The following APPL1 variants were observed in gnomAD, a reference collection of about 807,000 sequenced individuals.
APPL1 encodes the protein DCC-interacting protein 13-alpha.
APPL1 carries 42 observed loss-of-function variants against 106.8 expected under a neutral mutation model. That is an observed-to-expected ratio of 0.39 (90% CI 0.31 to 0.51). The LOEUF is 0.51. APPL1 is among the 20% of genes least tolerant of loss of function. The pLI is 0.75. For missense variants in APPL1, 769 were observed against 858.2 expected (o/e 0.90, Z 1.30); for synonymous variants, 263 against 281.8 (o/e 0.93, Z 0.67).
intron 13 of APPL1, among the ~76,000 whole-genome samples, chr3:57,254,716 C>T (rs754433734): frequency 3.3e-5 from 5 of 152,214 alleles, no homozygotes; most frequent in East Asian, 1.9e-4. Flanking sequence ...CCTCTGCCTC[C>T]CGGGTTCAAG....
chr3:57,227,866 C>A lies in APPL1; in HGVS notation c.-18C>A. 6.9e-7 allele frequency: 1 copy of A among 1,458,360 alleles called. No individual in the cohort carries two copies. Among genetic ancestry groups the A allele is most frequent in the Non-Finnish European group, 9.1e-7 (1 of 1,102,796 alleles). 90.3% of individuals were successfully genotyped at this position (1,458,360 alleles called of 1,614,324 possible). On this transcript the variant is annotated 5_prime_UTR_variant, in exon 1 of 22. Coordinates refer to ENST00000288266, the MANE Select transcript of APPL1 (RefSeq NM_012096.3). ...GGGCGGCAGCTGCGTCTCCTGCCAC[C>A]GCCCTCCCTCCGCCACGATGCCGGG...
intron 1 of APPL1, among the ~76,000 whole-genome samples, chr3:57,233,505 A>G (rs1338118303): frequency 1.3e-5 from 2 of 151,836 alleles, no homozygotes; most frequent in African/African-American, 4.8e-5. Flanking sequence ...AAAACAAAAC[A>G]GAAACGAAGC....
rs376214073 is a variant in APPL1, at chr3:57,257,474, T to C, written c.1430+46T>C. On this transcript the variant is annotated intron_variant, in intron 15 of 21. Transcript: ENST00000288266. ...TACATTGTGCTGTGGTCTGTAAGGCTTATAATCCCCTGTCTGCATTTCAGA... is the reference window on the plus strand; with the variant it reads ...TACATTGTGCTGTGGTCTGTAAGGCCTATAATCCCCTGTCTGCATTTCAGA... 4.7e-5 allele frequency: 69 copies of C among 1,460,194 alleles called. 1 individual carries two copies. Among genetic ancestry groups the C allele is most frequent in the Middle Eastern group, 1.8e-4 (1 of 5,490 alleles). The allele number at this position is 1,460,194 out of a possible 1,614,324, so 90.5% of individuals were successfully genotyped here. A position where few individuals can be genotyped will look rare whatever the true frequency, so the allele number is the denominator to read the frequency against.
At chr3:57,230,897 T>A (rs1194749875) in intron 1 of APPL1, 1 of 300,704 alleles carries the variant, frequency 3.3e-6, no homozygotes, top group African/African-American at 2.3e-5. Flanking sequence ...TTTTATTTTA[T>A]TTTATTTTTA....
chr3:57,240,329 C>T (rs927633233), intron 4 of APPL1, 136 bp from the exon 5 acceptor site: 1 of 660,602 alleles, frequency 1.5e-6, no homozygotes, highest in Non-Finnish European at 2.6e-6. Flanking sequence ...GTATTTTGTA[C>T]TATATCACAT....
chr3:57,260,116 G>C lies in APPL1; in HGVS notation c.1659-1G>C. ...TTCCAATTTTTAAATTATTATTTTA[G>C]GTTAATTGATCCACAGACACAAGTT... On this transcript the variant is annotated splice_acceptor_variant, in intron 17 of 21. Transcript: ENST00000288266. LOFTEE classifies it high-confidence loss of function. The C allele has an allele frequency of 6.2e-7, 1 of 1,606,486 alleles. No individual in the cohort carries two copies. Among genetic ancestry groups the C allele is most frequent in the Non-Finnish European group, 8.5e-7 (1 of 1,178,346 alleles).
chr3:57,241,265 G>A (rs2060744854), intron 5 of APPL1, among the ~76,000 whole-genome samples: 1 of 152,110 alleles, frequency 6.6e-6, no homozygotes, highest in Non-Finnish European at 1.5e-5. Context: ...AGTGGCACAG[G>A]GTATAGAGGT....
At chr3:57,240,331 A>G (rs2060738977) in intron 4 of APPL1, 134 bp from the exon 5 acceptor site, 3 of 669,592 alleles carry the variant, frequency 4.5e-6, no homozygotes, top group East Asian at 2.8e-5. Flanking sequence ...ATTTTGTACT[A>G]TATCACATAA....
intron 11 of APPL1, 30 bp from the exon 12 acceptor site, chr3:57,252,239 G>T (rs2060808879): frequency 6.3e-7 from 1 of 1,588,214 alleles, no homozygotes; most frequent in Middle Eastern, 1.7e-4. Flanking sequence ...TTTTTAAACA[G>T]TTGAGGCTCA....
At chr3:57,249,716 G>C (rs1300778734) in intron 11 of APPL1, among the ~76,000 whole-genome samples, 168 bp downstream of exon 11, 1 of 152,068 alleles carries the variant, frequency 6.6e-6, no homozygotes, top group Admixed American at 6.5e-5. Flanking sequence ...TCTCTGGCTT[G>C]GTTAAATGGT....
rs1397298245 is a variant in APPL1 at position 57,228,821 on chromosome 3, G to C, written c.54+884G>C. 1.3e-5 allele frequency among the ~76,000 whole-genome samples: 2 copies of C among 152,256 alleles called. No homozygotes were observed. The highest frequency in any genetic ancestry group is 2.9e-5 in the Non-Finnish European group (2 of 68,046). The stretch of plus-strand genomic sequence containing the variant: ...GATAATTTAAACGGTTTAAGACGGT[G>C]TTGCTGGTTGGACACTATTTAGAAT... On this transcript the variant is annotated intron_variant, in intron 1 of 21. Transcript: ENST00000288266. The surrounding 1 kb of genome is among the most constrained non-coding windows in gnomAD (Gnocchi z 4.6).
At chr3:57,258,258 A>G (rs1411174506) in intron 15 of APPL1, among the ~76,000 whole-genome samples, 1 of 152,094 alleles carries the variant, frequency 6.6e-6, no homozygotes, top group Non-Finnish European at 1.5e-5. Flanking sequence ...TCTGGGCTCA[A>G]GGGATCCACC....
At chr3:57,259,797 A>G (rs763463194) in intron 16 of APPL1, 48 bp from the exon 17 acceptor site, 46 of 1,394,806 alleles carry the variant, frequency 3.3e-5, no homozygotes, top group Non-Finnish European at 4.1e-5. Context: ...TAAAATGTAA[A>G]TTTATACAGT....
At chr3:57,229,493 A>T (rs1177806795) in intron 1 of APPL1, among the ~76,000 whole-genome samples, 1 of 151,508 alleles carries the variant, frequency 6.6e-6, no homozygotes, top group Non-Finnish European at 1.5e-5. Context: ...TTTTCTTTAC[A>T]AGCATGCATC....
chr3:57,261,457 TTTTGGGTAGATA>T (rs1381813847), intron 19 of APPL1, among the ~76,000 whole-genome samples: 2 of 152,220 alleles, frequency 1.3e-5, no homozygotes, highest in African/African-American at 4.8e-5. Flanking sequence ...ATTTCTTTAA[TTTTGGGTAGATA>T]CCCAGTAGTG....
chr3:57,240,680 A>G, intron 5 of APPL1, 128 bp downstream of exon 5: 1 of 749,570 alleles, frequency 1.3e-6, no homozygotes. Flanking sequence ...TCAGTTACCA[A>G]ACATTTATAG....
At chr3:57,258,236 C>T (rs1440871648) in intron 15 of APPL1, among the ~76,000 whole-genome samples, 1 of 152,178 alleles carries the variant, frequency 6.6e-6, no homozygotes, top group Admixed American at 6.5e-5. Flanking sequence ...TAGCTCACTG[C>T]AGCTTTGACC....
In APPL1 at chr3:57,228,643, C is replaced by CT. The variant is rs1264304393; in HGVS notation, c.54+707dup. ...CTGTGTTCTGTGCGTCGGAATGATG[C>CT]TGATGTGGTTGCTCTAGCTTAAGAC... On this transcript the variant is annotated intron_variant, in intron 1 of 21. Transcript: ENST00000288266. This position sits in a 1 kb window ranked among gnomAD's most constrained non-coding sequence, Gnocchi z 4.6. Among the ~76,000 whole-genome samples, 1 of 152,236 alleles carries CT rather than the reference C, an allele frequency of 6.6e-6. No homozygotes were observed. The highest frequency in any genetic ancestry group is 1.5e-5 in the Non-Finnish European group (1 of 68,052).
intron 8 of APPL1, 108 bp downstream of exon 8, chr3:57,246,330 T>G: frequency 1.2e-6 from 1 of 804,184 alleles, no homozygotes; most frequent in Non-Finnish European, 1.7e-6. Context: ...ACATCCTTGT[T>G]TATGTCTGTG....
Sources: gnomAD v4.1 joint callset for allele counts (sites outside exome capture counted in the v4.1 genomes callset) on GRCh38, gnomAD v4.1.1 for gene constraint, Gnocchi (gnomAD v3.1) non-coding constraint, MANE v1.5 for transcripts, NCBI Gene and HGNC (gene_info 2026-07-23, HGNC 2026-07-21) for gene names.